KCNQ4: variants seen among roughly 807,000 people sequenced by gnomAD.
The protein encoded by KCNQ4 is potassium voltage-gated channel subfamily Q member 4.
In KCNQ4, 31 loss-of-function variants were observed where a neutral mutation model predicts 72.6. That is an observed-to-expected ratio of 0.43 (90% CI 0.32 to 0.58). KCNQ4 has a LOEUF of 0.58. Among genes scored for constraint, KCNQ4 ranks in the 20% least tolerant of loss-of-function variants. The pLI, the probability that KCNQ4 is intolerant of heterozygous loss-of-function variation, is 0.08. For missense variants in KCNQ4, 869 were observed against 962.6 expected (o/e 0.90, Z 1.29); for synonymous variants, 405 against 403.7 (o/e 1.00, Z -0.04).
Position 40,837,771 on chromosome 1 carries a change from C to T in KCNQ4, c.1852C>T (p.Arg618Cys). ...EVVDEISMMGRVVKVEKQVQS... is the reference protein window; with the variant it reads ...EVVDEISMMGCVVKVEKQVQS... ...GGTGGATGAAATCAGCATGATGGGA[C>T]GCGTGGTCAAGGTGGAGAAGCAGGT... The change falls in exon 13 of 14, where the codon CGC becomes TGC. Residue 618 changes from arginine to cysteine, a missense_variant. Physicochemically the swap from Arg to Cys is radical, Grantham distance 180. Coordinates refer to ENST00000347132, the MANE Select transcript of KCNQ4 (RefSeq NM_004700.4). The T allele has an allele frequency of 3.1e-6, 5 of 1,610,432 alleles. No homozygotes were observed. Among genetic ancestry groups the T allele is most frequent in the East Asian group, 2.2e-5 (1 of 44,768 alleles).
chr1:40,812,918 A>G (rs1432401996), intron 1 of KCNQ4, among the ~76,000 whole-genome samples: 1 of 152,222 alleles, frequency 6.6e-6, no homozygotes, highest in Non-Finnish European at 1.5e-5. Context: ...GTCAGTCAGA[A>G]TAAGGGGCAA....
intron 9 of KCNQ4, among the ~76,000 whole-genome samples, chr1:40,829,179 C>G (rs577204747): frequency 4.5e-4 from 69 of 152,358 alleles, no homozygotes; most frequent in African/African-American, 1.6e-3. Context: ...GCCTTCTCCA[C>G]TCTCCTCTCT....
At position 40,799,527 on chromosome 1, in the gene KCNQ4, C is replaced by T. The variant is rs12568767; in HGVS notation, c.314+15120C>T. Among the ~76,000 whole-genome samples, 13 of 152,300 alleles carry T rather than the reference C, an allele frequency of 8.5e-5. No individual in the cohort carries two copies. The East Asian group carries it at 2.5e-3, about 29-fold the overall frequency. On this transcript the variant is annotated intron_variant, in intron 1 of 13. Transcript: ENST00000347132. ...GGTTGTTTATACCAGGACTCCCTCT[C>T]CTTCTCTGGCCTGGTCTGGCCTCTC...
chr1:40,812,282 A>G (rs558086869), intron 1 of KCNQ4, among the ~76,000 whole-genome samples: 50 of 152,272 alleles, frequency 3.3e-4, no homozygotes, highest in African/African-American at 1.2e-3. Flanking sequence ...TGAGATACAG[A>G]GTCTGGCTCT....
At chr1:40,792,836 G>T (rs1647310884) in intron 1 of KCNQ4, among the ~76,000 whole-genome samples, 1 of 152,028 alleles carries the variant, frequency 6.6e-6, no homozygotes, top group South Asian at 2.1e-4. Flanking sequence ...GGGGGATTAA[G>T]GTGTAAAGAA....
At chr1:40,810,406 C>G (rs115289742) in intron 1 of KCNQ4, among the ~76,000 whole-genome samples, 32 of 152,346 alleles carry the variant, frequency 2.1e-4, no homozygotes, top group African/African-American at 7.5e-4. Flanking sequence ...CATCCCGTCA[C>G]CACTGTGTCA....
At chr1:40,818,867 T>A in intron 4 of KCNQ4, 187 bp downstream of exon 4, 1 of 655,172 alleles carries the variant, frequency 1.5e-6, no homozygotes, top group Non-Finnish European at 2.7e-6. Flanking sequence ...CTGAATTAGG[T>A]AGGGGCGGGC....
Position 40,788,962 on chromosome 1 carries a change from C to T in KCNQ4, c.314+4555C>T, listed in dbSNP as rs1201822246. Among the ~76,000 whole-genome samples the T allele has an allele frequency of 6.6e-6, 1 of 152,258 alleles. No individual in the cohort carries two copies. The highest frequency in any genetic ancestry group is 2.4e-5 in the African/African-American group (1 of 41,466). Reference sequence around the variant, plus strand: ...GTTTACAGCTGCCCCTACCTTTTCCCTGACTTCACAGACACTCACCATGGA... The same window carrying T: ...GTTTACAGCTGCCCCTACCTTTTCCTTGACTTCACAGACACTCACCATGGA... On this transcript the variant is annotated intron_variant, in intron 1 of 13. Transcript: ENST00000347132. The surrounding 1 kb of genome is among the most constrained non-coding windows in gnomAD (Gnocchi z 4.5).
Position 40,820,179 on chromosome 1 carries a change from C to A in KCNQ4, c.960C>A (p.Ser320=). The change falls in exon 7 of 14, where the codon TCC becomes TCA. Residue 320 remains serine, a synonymous_variant. Transcript: ENST00000347132. ...TATCCCTCTAGGGCATCCTAGGCTC[C>A]GGCTTTGCCCTGAAGGTCCAGGAGC... ...FFALPAGILG[S]GFALKVQEQH... 6.2e-7 allele frequency: 1 copy of A among 1,608,602 alleles called. No individual in the cohort carries two copies. The highest frequency in any genetic ancestry group is 2.2e-5 in the East Asian group (1 of 44,506).
intron 1 of KCNQ4, among the ~76,000 whole-genome samples, chr1:40,796,463 C>T (rs1386449529): frequency 6.6e-6 from 1 of 152,096 alleles, no homozygotes; most frequent in Non-Finnish European, 1.5e-5. Flanking sequence ...AGTTGAGGCA[C>T]AAAGAGGTTA....
At position 40,806,355 on chromosome 1, in the gene KCNQ4, G is replaced by C. The variant is rs180714798; in HGVS notation, c.315-10910G>C. Among the ~76,000 whole-genome samples, 4 of 152,282 alleles carry C rather than the reference G, an allele frequency of 2.6e-5. No individual in the cohort carries two copies. The East Asian group carries it at 5.8e-4, about 22-fold the overall frequency. On this transcript the variant is annotated intron_variant, in intron 1 of 13. Coordinates refer to ENST00000347132, the MANE Select transcript of KCNQ4 (RefSeq NM_004700.4). ...CCTCCCTGTTTGAGAAGTCAGCTCT[G>C]TCTGGCCAGTCCCAACAGATGGATG...
In KCNQ4 at chr1:40,838,503, G is replaced by T. The variant is rs754555626; in HGVS notation, c.2068G>T (p.Val690Phe). The T allele has an allele frequency of 7.4e-6, 12 of 1,614,146 alleles. No individual in the cohort carries two copies. In the Admixed American group the frequency reaches 2.0e-4, roughly 27 times the overall value. The change falls in exon 14 of 14, where the codon GTC becomes TTC. Residue 690 changes from valine (V) to phenylalanine (F), a missense_variant. Around this residue, in one of 5 missense-constraint regions of KCNQ4, gnomAD observed 480 missense variants for 501.9 expected, o/e 0.96. Coordinates refer to ENST00000347132, the MANE Select transcript of KCNQ4 (RefSeq NM_004700.4). ...SAQTLSISRS[V>F]STNMD Reference sequence around the variant, plus strand: ...ACAGACGCTCAGCATCTCCCGCTCGGTCAGCACCAACATGGACTGAGGGAC... The same window carrying T: ...ACAGACGCTCAGCATCTCCCGCTCGTTCAGCACCAACATGGACTGAGGGAC...
chr1:40,822,374 T>C lies in KCNQ4; in HGVS notation c.1102T>C (p.Tyr368His), dbSNP rs1034909303. 6.8e-6 allele frequency: 10 copies of C among 1,467,568 alleles called. No individual in the cohort carries two copies. The African/African-American group carries it at 8.8e-5, about 13-fold the overall frequency. The allele number at this position is 1,467,568 out of a possible 1,614,324, so 90.9% of individuals were successfully genotyped here. The change falls in exon 8 of 14, where the codon TAC (tyrosine) becomes CAC (histidine). Residue 368 changes from tyrosine to histidine, a missense_variant. By Grantham distance (83) the Tyr-to-His change is moderately conservative. Around this residue, in one of 5 missense-constraint regions of KCNQ4, gnomAD observed 480 missense variants for 501.9 expected, o/e 0.96. Transcript: ENST00000347132. ...GGCCTACCTGACAGCCACCTGGTAC[T>C]ACTATGACAGTATCCTCCCATCCTT... is the stretch of plus-strand genomic sequence containing the variant. ...SRAYLTATWY[Y>H]YDSILPSFRE...
In KCNQ4 at chr1:40,783,948, C is replaced by A. The variant is rs944704052; in HGVS notation, c.-146C>A. Reference sequence around the variant, plus strand: ...GGCTCCGAGCGCCCGCCCGCGGCCCCGGCCCGGCCCCTAGCCCCCGCCGCC... The same window carrying A: ...GGCTCCGAGCGCCCGCCCGCGGCCCAGGCCCGGCCCCTAGCCCCCGCCGCC... On this transcript the variant is annotated 5_prime_UTR_variant, in exon 1 of 14. Coordinates refer to ENST00000347132, the MANE Select transcript of KCNQ4 (RefSeq NM_004700.4). This position sits in a 1 kb window ranked among gnomAD's most constrained non-coding sequence, Gnocchi z 4.4. 1.4e-5 allele frequency: 2 copies of A among 146,982 alleles called. No individual in the cohort carries two copies. The highest frequency in any genetic ancestry group is 4.9e-5 in the African/African-American group (2 of 40,406). 9.1% of individuals were successfully genotyped at this position (146,982 alleles called of 1,614,324 possible).
At chr1:40,787,515 G>A (rs2148832283) in intron 1 of KCNQ4, among the ~76,000 whole-genome samples, 1 of 152,278 alleles carries the variant, frequency 6.6e-6, no homozygotes, top group Non-Finnish European at 1.5e-5. Flanking sequence ...GGCTCCAAAA[G>A]GTGGGAGATT....
chr1:40,828,050 G>T (rs1394611812), intron 9 of KCNQ4, among the ~76,000 whole-genome samples: 1 of 152,228 alleles, frequency 6.6e-6, no homozygotes, highest in East Asian at 1.9e-4. Flanking sequence ...CACAGCCATG[G>T]CAGAGGCCAG....
intron 13 of KCNQ4, 125 bp downstream of exon 13, chr1:40,837,919 T>A: frequency 1.5e-6 from 2 of 1,318,218 alleles, no homozygotes; most frequent in South Asian, 2.6e-5. Context: ...AAGAGCCCCC[T>A]CCCCGGCCGA....
At chr1:40,837,356 A>C (rs1307916859) in intron 12 of KCNQ4, among the ~76,000 whole-genome samples, 1 of 152,060 alleles carries the variant, frequency 6.6e-6, no homozygotes, top group African/African-American at 2.4e-5. Context: ...GCCTCCCCAA[A>C]TGCTGGGATT....
In KCNQ4 at chr1:40,840,100, T is replaced by C. The variant is rs1296714159; in HGVS notation, c.*1577T>C. ...AGGCCACGCTGCCTGCATCTCGTGC[T>C]GGGGACCTGCATGCGCCAGCACCAG... On this transcript the variant is annotated 3_prime_UTR_variant, in exon 14 of 14. Transcript: ENST00000347132. 1 of 152,302 alleles carries C rather than the reference T, an allele frequency of 6.6e-6. No individual in the cohort carries two copies. The highest frequency in any genetic ancestry group is 1.5e-5 in the Non-Finnish European group (1 of 68,094). The allele number at this position is 152,302 out of a possible 1,614,324, so 9.4% of individuals were successfully genotyped here.
Sources: gnomAD v4.1 joint callset for allele counts (sites outside exome capture counted in the v4.1 genomes callset) on GRCh38, gnomAD v4.1.1 for gene constraint, gnomAD v4.1.1 regional missense constraint, Gnocchi (gnomAD v3.1) non-coding constraint, MANE v1.5 for transcripts, NCBI Gene and HGNC (gene_info 2026-07-23, HGNC 2026-07-21) for gene names.